REDIC1: variants seen among roughly 807,000 people sequenced by gnomAD.
REDIC1 encodes the protein regulator of DNA class I crossover intermediates 1.
At chr12:39,760,018 G>T in the REDIC1 span, 1 of 1,604,044 alleles carries the variant, frequency 6.2e-7, no homozygotes. Flanking sequence ...TATATGAGCA[G>T]CTGAAAATTA....
At chr12:39,833,167 T>C in the REDIC1 span, among the ~76,000 whole-genome samples, 1 of 152,124 alleles carries the variant, frequency 6.6e-6, no homozygotes, top group Non-Finnish European at 1.5e-5. Context: ...AACACAGCCA[T>C]GTCCATTTCT....
At chr12:39,736,200 G>T in the REDIC1 span, among the ~76,000 whole-genome samples, 1 of 152,214 alleles carries the variant, frequency 6.6e-6, no homozygotes, top group African/African-American at 2.4e-5. Flanking sequence ...AGCCAATAGT[G>T]TGTGCATGGC....
At chr12:39,771,473 T>C in the REDIC1 span, among the ~76,000 whole-genome samples, 2 of 152,046 alleles carry the variant, frequency 1.3e-5, no homozygotes, top group African/African-American at 4.8e-5. Context: ...GAAACTGAAG[T>C]CCTCAGCACA....
the REDIC1 span, among the ~76,000 whole-genome samples, chr12:39,895,631 TATGTATATGCGTGTATACGTAC>T: frequency 1.4e-5 from 2 of 141,436 alleles, no homozygotes; most frequent in Non-Finnish European, 3.1e-5. Flanking sequence ...CGTACACACA[TATGTATATGCGTGTATACGTAC>T]ACACATATGT....
the REDIC1 span, among the ~76,000 whole-genome samples, chr12:39,858,496 T>A: frequency 2.6e-5 from 4 of 152,214 alleles, no homozygotes; most frequent in Non-Finnish European, 5.9e-5. Flanking sequence ...ATTCACAGCA[T>A]AATATTATAT....
At chr12:39,891,120 C>CT in the REDIC1 span, among the ~76,000 whole-genome samples, 3,488 of 145,770 alleles carry the variant, frequency 0.024, 133 homozygotes, top group African/African-American at 0.082. Context: ...TCAAATATAC[C>CT]TTTTTTTTTT....
chr12:39,645,036 G>C, the REDIC1 span, among the ~76,000 whole-genome samples: 2 of 151,900 alleles, frequency 1.3e-5, no homozygotes, highest in African/African-American at 4.8e-5. Context: ...TCTTAGCAAG[G>C]CCTCTTTGTT....
the REDIC1 span, among the ~76,000 whole-genome samples, chr12:39,750,014 G>C: frequency 6.6e-6 from 1 of 152,274 alleles, no homozygotes; most frequent in East Asian, 1.9e-4. Flanking sequence ...GCACAAGACA[G>C]GGATGCCCTC....
chr12:39,747,631 T>A, the REDIC1 span, among the ~76,000 whole-genome samples: 1 of 152,098 alleles, frequency 6.6e-6, no homozygotes, highest in Non-Finnish European at 1.5e-5. Context: ...ATTGTCAGAT[T>A]CACCAAAGCT....
the REDIC1 span, among the ~76,000 whole-genome samples, chr12:39,890,955 C>A: frequency 1.0e-3 from 152 of 152,082 alleles, 1 homozygote; most frequent in African/African-American, 3.5e-3. Context: ...ATACATGATG[C>A]AAAGTGAAAT....
chr12:39,713,227 T>C, the REDIC1 span, among the ~76,000 whole-genome samples: 29 of 134,316 alleles, frequency 2.2e-4, 1 homozygote, highest in East Asian at 1.6e-3. Context: ...ATATTACACA[T>C]ATACGTGTAT....
chr12:39,730,236 G>A, the REDIC1 span, among the ~76,000 whole-genome samples: 12 of 152,250 alleles, frequency 7.9e-5, no homozygotes, highest in East Asian at 1.9e-4. Context: ...GTTAGTTGGC[G>A]CAGTTTCTTC....
chr12:39,829,217 C>A, the REDIC1 span, among the ~76,000 whole-genome samples: 1 of 151,608 alleles, frequency 6.6e-6, no homozygotes, highest in African/African-American at 2.4e-5. Flanking sequence ...ACTAATATTT[C>A]ATTTATGCAT....
At chr12:39,716,990 T>A in the REDIC1 span, 1 of 449,620 alleles carries the variant, frequency 2.2e-6, no homozygotes, top group Non-Finnish European at 3.6e-6. Flanking sequence ...TTTTAAAAAG[T>A]ACATTTAAAA....
chr12:39,842,623 A>T, the REDIC1 span, among the ~76,000 whole-genome samples: 1 of 151,910 alleles, frequency 6.6e-6, no homozygotes, highest in Non-Finnish European at 1.5e-5. Context: ...AAAATTTTTT[A>T]CTGAGATAAA....
At chr12:39,805,529 CCA>C in the REDIC1 span, among the ~76,000 whole-genome samples, 1 of 150,722 alleles carries the variant, frequency 6.6e-6, no homozygotes, top group Admixed American at 6.6e-5. Flanking sequence ...TTTTTTTTCC[CCA>C]GAGACTTTAT....
At chr12:39,773,677 T>G in the REDIC1 span, among the ~76,000 whole-genome samples, 2 of 152,224 alleles carry the variant, frequency 1.3e-5, no homozygotes, top group Non-Finnish European at 2.9e-5. Context: ...ATATTGCCCC[T>G]TTATTCTCCA....
chr12:39,796,524 T>C, the REDIC1 span, among the ~76,000 whole-genome samples: 2 of 152,188 alleles, frequency 1.3e-5, no homozygotes, highest in East Asian at 3.9e-4. Flanking sequence ...CACTTTTTCC[T>C]TTTTTTCCAT....
chr12:39,814,095 A>G, the REDIC1 span, among the ~76,000 whole-genome samples: 4 of 152,178 alleles, frequency 2.6e-5, no homozygotes, highest in South Asian at 8.3e-4. Context: ...ACTTTTGCCC[A>G]TACTCTTTTC....
Sources: allele counts gnomAD v4.1 joint callset (sites outside exome capture counted in the v4.1 genomes callset), GRCh38; gene constraint gnomAD v4.1.1; transcripts MANE v1.5; gene names NCBI Gene and HGNC (gene_info 2026-07-23, HGNC 2026-07-21).